The following NOSIP variants were observed in gnomAD, a reference collection of about 807,000 sequenced individuals.
NOSIP encodes the protein nitric oxide synthase interacting protein.
In NOSIP, 25 loss-of-function variants were observed where a neutral mutation model predicts 36.4. That is an observed-to-expected ratio of 0.69 (90% CI 0.50 to 0.96). The LOEUF (loss-of-function observed/expected upper bound fraction) is 0.96. Ranked by LOEUF, NOSIP falls within the 40% of genes least tolerant of loss-of-function variation. NOSIP has a pLI of 0.00. For synonymous variants in NOSIP, 187 were observed against 179.2 expected, an observed-to-expected ratio of 1.04 and a Z score of -0.35; for missense variants, 370 against 429.0, an observed-to-expected ratio of 0.86 and a Z score of 1.21.
chr19:49,558,648 A>G, intron 4 of NOSIP: 1 of 516,376 alleles, frequency 1.9e-6, no homozygotes, highest in Non-Finnish European at 3.5e-6. Flanking sequence ...AGACAGCCAC[A>G]TGTACAGCTA....
intron 1 of NOSIP, among the ~76,000 whole-genome samples, chr19:49,568,059 C>T (rs1357415348): frequency 6.6e-6 from 1 of 152,098 alleles, no homozygotes; most frequent in African/African-American, 2.4e-5. Flanking sequence ...CAAAATCCTG[C>T]AGTCAAAAAC....
intron 1 of NOSIP, among the ~76,000 whole-genome samples, chr19:49,564,279 C>G (rs889625558): frequency 1.3e-5 from 2 of 151,544 alleles, no homozygotes; most frequent in Non-Finnish European, 2.9e-5. Flanking sequence ...ATGGCAAAAC[C>G]CCATCTGTAC....
intron 8 of NOSIP, 144 bp downstream of exon 8, chr19:49,556,170 CGGG>C: frequency 2.2e-5 from 5 of 227,134 alleles, no homozygotes; most frequent in Admixed American, 7.9e-5. Context: ...CAGGAGAAAG[CGGG>C]GGGGGGGGGC....
At position 49,560,069 on chromosome 19, in the gene NOSIP, G is replaced by T; in HGVS notation, c.71-30C>A. 6.7e-7 allele frequency: 1 copy of T among 1,486,742 alleles called. No individual in the cohort carries two copies. The highest frequency in any genetic ancestry group is 9.3e-7 in the Non-Finnish European group (1 of 1,069,936). The allele number at this position is 1,486,742 out of a possible 1,614,324, so 92.1% of individuals were successfully genotyped here. A position where few individuals can be genotyped will look rare whatever the true frequency, so the allele number is the denominator to read the frequency against. Reference sequence around the variant, plus strand: ...GGACAGAGATGGGCAGAGTGATGGAGGGGCGGAGCAACAGGAGACATGTCC... The same window carrying T: ...GGACAGAGATGGGCAGAGTGATGGATGGGCGGAGCAACAGGAGACATGTCC... On this transcript the variant is annotated intron_variant, in intron 2 of 8. Transcript: ENST00000596358. This position sits in a 1 kb window ranked among gnomAD's most constrained non-coding sequence, Gnocchi z 4.6.
Position 49,560,615 on chromosome 19 carries a change from C to T in NOSIP, c.70+7G>A. On this transcript the variant is annotated splice_region_variant and intron_variant, in intron 2 of 8. Transcript: ENST00000596358. This position sits in a 1 kb window ranked among gnomAD's most constrained non-coding sequence, Gnocchi z 4.6. The stretch of plus-strand genomic sequence containing the variant: ...ATGTCCCGCCTCTTCCCACCCCAGC[C>T]CTGCACCTGTGTCCTTCTTCTTCTC... 5 of 1,579,748 alleles carry T rather than the reference C, an allele frequency of 3.2e-6. No homozygotes were observed. Among genetic ancestry groups the T allele is most frequent in the Non-Finnish European group, 4.3e-6 (5 of 1,161,164 alleles).
At chr19:49,575,452 C>T (rs1347645818) in intron 1 of NOSIP, among the ~76,000 whole-genome samples, 1 of 152,184 alleles carries the variant, frequency 6.6e-6, no homozygotes, top group Non-Finnish European at 1.5e-5. Flanking sequence ...TATAATGCTG[C>T]CTGAGCCTGA....
Position 49,560,049 on chromosome 19 carries a change from G to A in NOSIP, c.71-10C>T. The A allele has an allele frequency of 6.3e-7, 1 of 1,587,874 alleles. No homozygotes were observed. Among genetic ancestry groups the A allele is most frequent in the Non-Finnish European group, 8.6e-7 (1 of 1,157,570 alleles). ...CCATAGCCCGAGGCCGCTGGGGACA[G>A]AGATGGGCAGAGTGATGGAGGGGCG... On this transcript the variant is annotated splice_polypyrimidine_tract_variant and intron_variant, in intron 2 of 8. Coordinates refer to ENST00000596358, the MANE Select transcript of NOSIP (RefSeq NM_001270960.2). This position sits in a 1 kb window ranked among gnomAD's most constrained non-coding sequence, Gnocchi z 4.6.
intron 1 of NOSIP, among the ~76,000 whole-genome samples, chr19:49,564,999 G>A (rs2080387329): frequency 6.6e-6 from 1 of 152,130 alleles, no homozygotes; most frequent in Non-Finnish European, 1.5e-5. Flanking sequence ...TGTGTGGGTG[G>A]GTGTGGTGGC....
rs2080229109 is a variant in NOSIP, at chr19:49,555,824, T to C, written c.835-2A>G. 4.3e-6 allele frequency: 7 copies of C among 1,611,288 alleles called. No homozygotes were observed. The highest frequency in any genetic ancestry group is 5.9e-6 in the Non-Finnish European group (7 of 1,178,396). ...GGAGCCCGCGAAGCCGGTACCGCCC[T>C]GGGGGAGGTAGAGAGAAGGACGAGG... is the stretch of plus-strand genomic sequence containing the variant. On this transcript the variant is annotated splice_acceptor_variant, in intron 8 of 8. Coordinates refer to ENST00000596358, the MANE Select transcript of NOSIP (RefSeq NM_001270960.2). LOFTEE classifies it high-confidence loss of function.
intron 1 of NOSIP, among the ~76,000 whole-genome samples, chr19:49,576,284 C>T (rs923646692): frequency 1.3e-5 from 2 of 151,364 alleles, no homozygotes; most frequent in Non-Finnish European, 2.9e-5. Flanking sequence ...CTTGAACTCA[C>T]GAGTTCAAGA....
At chr19:49,579,104 T>C (rs1017618635) in intron 1 of NOSIP, 2 of 151,938 alleles carry the variant, frequency 1.3e-5, no homozygotes, top group East Asian at 1.9e-4. Context: ...CAGTTCTAAA[T>C]TAAGAGAGAT....
In NOSIP at chr19:49,576,521, G is replaced by C. The variant is rs562213174; in HGVS notation, c.-2+3994C>G. 3.4e-4 allele frequency among the ~76,000 whole-genome samples: 51 copies of C among 151,972 alleles called. 1 individual carries two copies. The highest frequency in any genetic ancestry group is 1.2e-3 in the African/African-American group (49 of 41,432). On this transcript the variant is annotated intron_variant, in intron 1 of 8. Transcript: ENST00000596358. ...GATCCCAGGAGGTTGAGGCTGCAGT[G>C]AGTTATGATCGTGCCACTGCACCAC...
intron 1 of NOSIP, among the ~76,000 whole-genome samples, chr19:49,571,224 G>C (rs137962315): frequency 0.028 from 4,251 of 149,412 alleles, 101 homozygotes; most frequent in South Asian, 0.07. Context: ...GATCTCAAGT[G>C]ATCCGCCCAC....
intron 1 of NOSIP, among the ~76,000 whole-genome samples, chr19:49,564,446 T>TC (rs1328542637): frequency 1.9e-5 from 2 of 104,990 alleles, no homozygotes; most frequent in African/African-American, 7.9e-5. Flanking sequence ...AGAGCGAGAC[T>TC]CCATCTCAAA....
At chr19:49,571,382 A>ATT (rs1357707611) in intron 1 of NOSIP, among the ~76,000 whole-genome samples, 2 of 152,112 alleles carry the variant, frequency 1.3e-5, no homozygotes, top group Non-Finnish European at 2.9e-5. Flanking sequence ...CAGTTTCAGG[A>ATT]TTTACAAACT....
Position 49,560,003 on chromosome 19 carries a change from C to T in NOSIP, c.107G>A (p.Ser36Asn), listed in dbSNP as rs1315160192. Reference protein sequence around the residue: ...SGYGTQNIRLSRDAVKDFDCC... With the variant: ...SGYGTQNIRLNRDAVKDFDCC... ...GTCGAAGTCCTTCACGGCATCCCGG[C>T]TCAGTCGAATGTTCTGGGTCCCATA... is the stretch of plus-strand genomic sequence containing the variant. The change falls in exon 3 of 9, where the codon AGC (serine) becomes AAC (asparagine). Residue 36 changes from serine to asparagine, a missense_variant. This residue lies in a region of NOSIP where 37 missense variants were observed against 60.2 expected (regional missense o/e 0.61). Coordinates refer to ENST00000596358, the MANE Select transcript of NOSIP (RefSeq NM_001270960.2). This position sits in a 1 kb window ranked among gnomAD's most constrained non-coding sequence, Gnocchi z 4.6. 4 of 1,613,966 alleles carry T rather than the reference C, an allele frequency of 2.5e-6. No homozygotes were observed. The Admixed American group carries it at 5.0e-5, about 20-fold the overall frequency.
At chr19:49,576,443 G>A (rs558340195) in intron 1 of NOSIP, among the ~76,000 whole-genome samples, 9 of 152,230 alleles carry the variant, frequency 5.9e-5, no homozygotes, top group Admixed American at 1.3e-4. Flanking sequence ...CGGGCATAGT[G>A]GCATGCGCCT....
chr19:49,563,142 T>C (rs1374575068), intron 1 of NOSIP, among the ~76,000 whole-genome samples: 2 of 152,114 alleles, frequency 1.3e-5, no homozygotes, highest in African/African-American at 4.8e-5. Context: ...CACTTCCCTC[T>C]CTGCCACCCA....
Position 49,560,281 on chromosome 19 carries a change from G to A in NOSIP, c.71-242C>T, listed in dbSNP as rs895849224. ...TCACTGAGTGGCAGCTTGGTGGAGG[G>A]GCTGACGGCTGACTCCCCTCCACCC... On this transcript the variant is annotated intron_variant, in intron 2 of 8. Transcript: ENST00000596358. The surrounding 1 kb of genome is among the most constrained non-coding windows in gnomAD (Gnocchi z 4.6). 5.2e-6 allele frequency: 3 copies of A among 577,694 alleles called. No individual in the cohort carries two copies. Among genetic ancestry groups the A allele is most frequent in the African/African-American group, 3.8e-5 (2 of 53,328 alleles). The allele number at this position is 577,694 out of a possible 1,614,324, so 35.8% of individuals were successfully genotyped here. A position where few individuals can be genotyped will look rare whatever the true frequency, so the allele number is the denominator to read the frequency against.
Sources: gnomAD v4.1 joint callset for allele counts (sites outside exome capture counted in the v4.1 genomes callset) on GRCh38, gnomAD v4.1.1 for gene constraint, gnomAD v4.1.1 regional missense constraint, Gnocchi (gnomAD v3.1) non-coding constraint, MANE v1.5 for transcripts, NCBI Gene and HGNC (gene_info 2026-07-23, HGNC 2026-07-21) for gene names.